ZER1: variants seen among roughly 807,000 people sequenced by gnomAD.
ZER1 encodes the protein zyg-11 related cell cycle regulator, also known as protein zer-1 homolog.
A neutral mutation model predicts 78.8 loss-of-function variants in ZER1; 11 were observed. The ratio of observed to expected loss-of-function variants is 0.14; its 90% confidence interval spans 0.09 to 0.23. The LOEUF is 0.23. ZER1 is among the 10% of genes least tolerant of loss of function. The probability of loss-of-function intolerance (pLI) is 1.00; values close to 1 mark genes in which losing one functional copy is unlikely to be tolerated. For synonymous variants in ZER1, 400 were observed against 407.0 expected (o/e 0.98, Z 0.21); for missense variants, 588 against 996.9 (o/e 0.59, Z 5.52).
At chr9:128,731,441 G>A (rs752435642) in intron 15 of ZER1, 47 bp from the exon 16 acceptor site, 4 of 704,916 alleles carry the variant, frequency 5.7e-6, no homozygotes, top group Middle Eastern at 2.6e-4. Context: ...CTTGGGTGGG[G>A]GTGAGCCCAG....
chr9:128,756,637 T>TTA (rs1564406286), intron 1 of ZER1, among the ~76,000 whole-genome samples: 2 of 151,668 alleles, frequency 1.3e-5, no homozygotes, highest in African/African-American at 4.8e-5. Flanking sequence ...GAAATCAGTT[T>TTA]AAAAAAAAAG....
chr9:128,741,517 G>A lies in ZER1; in HGVS notation c.1737+18C>T, dbSNP rs1480444478. The A allele has an allele frequency of 2.5e-6, 4 of 1,613,878 alleles. 1 individual carries two copies. The highest frequency in any genetic ancestry group is 3.3e-5 in the Admixed American group (2 of 60,004). Reference sequence around the variant, plus strand: ...GTGGGCAGCTGAGGCAGCTGCTGCTGCAGGAGGTGGACACTACCTTCAGGC... The same window carrying A: ...GTGGGCAGCTGAGGCAGCTGCTGCTACAGGAGGTGGACACTACCTTCAGGC... On this transcript the variant is annotated intron_variant, in intron 11 of 15. Coordinates refer to ENST00000291900, the MANE Select transcript of ZER1 (RefSeq NM_006336.4).
Position 128,733,419 on chromosome 9 carries a change from C to T in ZER1, c.2243+7G>A, listed in dbSNP as rs768775677. ...TTCCAGGCAGAAACACACTGCTGGT[C>T]TCTTACCGGGCCATTTCCTTGGTCT... On this transcript the variant is annotated splice_region_variant and intron_variant, in intron 15 of 15. Transcript: ENST00000291900. 11 of 1,613,344 alleles carry T rather than the reference C, an allele frequency of 6.8e-6. No individual in the cohort carries two copies. In the Admixed American group the frequency reaches 1.2e-4, roughly 17 times the overall value.
At chr9:128,749,101 G>A (rs1053725909) in intron 8 of ZER1, among the ~76,000 whole-genome samples, 1 of 150,526 alleles carries the variant, frequency 6.6e-6, no homozygotes, top group Non-Finnish European at 1.5e-5. Flanking sequence ...GCCGAGGCAG[G>A]TGGATCACCT....
chr9:128,771,989 C>G (rs557179305), upstream of ZER1: 1 of 152,288 alleles, frequency 6.6e-6, no homozygotes, highest in East Asian at 1.9e-4. Context: ...CGACCCGTCC[C>G]GCGGCTAACG....
chr9:128,735,760 G>GTTTTTTTTTTTTTTTTTTT lies in ZER1; in HGVS notation c.2043-330_2043-329insAAAAAAAAAAAAAAAAAAA. 2.3e-3 allele frequency among the ~76,000 whole-genome samples: 38 copies of GTTTTTTTTTTTTTTTTTTT among 16,194 alleles called. 19 individuals carry two copies. The highest frequency in any genetic ancestry group is 2.3e-3 in the African/African-American group (14 of 6,066). The allele number at this position is 16,194 out of a possible 152,430, so 10.6% of individuals were successfully genotyped here. The stretch of plus-strand genomic sequence containing the variant: ...CTGGGAACAGAAGCACGTGTGACCT[G>GTTTTTTTTTTTTTTTTTTT]GTTTTTTTTTTTTTTTTTTTTTTTT... On this transcript the variant is annotated intron_variant, in intron 13 of 15. Coordinates refer to ENST00000291900, the MANE Select transcript of ZER1 (RefSeq NM_006336.4).
chr9:128,741,281 GAAC>G (rs1863282555), intron 11 of ZER1, among the ~76,000 whole-genome samples: 1 of 152,244 alleles, frequency 6.6e-6, no homozygotes, highest in Admixed American at 6.5e-5. Flanking sequence ...GGCAGCCTGA[GAAC>G]AACGGCCGAG....
chr9:128,735,247 T>C (rs1863025449), intron 14 of ZER1, 87 bp downstream of exon 14: 1 of 1,221,522 alleles, frequency 8.2e-7, no homozygotes, highest in East Asian at 2.5e-5. Context: ...CAGCAATTAA[T>C]GCCCCCCTCC....
At chr9:128,758,846 G>A (rs1051754342) in intron 1 of ZER1, among the ~76,000 whole-genome samples, 4 of 152,140 alleles carry the variant, frequency 2.6e-5, no homozygotes, top group African/African-American at 9.7e-5. Flanking sequence ...GGAGAAGTGA[G>A]GACTGTGGTT....
chr9:128,772,107 C>A (rs1379692072), upstream of ZER1, among the ~76,000 whole-genome samples: 2 of 152,234 alleles, frequency 1.3e-5, no homozygotes, highest in Non-Finnish European at 2.9e-5. Context: ...CCAGGCCACC[C>A]GAGAGAACGC....
chr9:128,733,359 G>A, intron 15 of ZER1, 67 bp downstream of exon 15: 3 of 1,421,206 alleles, frequency 2.1e-6, no homozygotes, highest in Admixed American at 1.9e-5. Context: ...ACCTCCAGAG[G>A]GCGCCCGCTA....
chr9:128,735,526 A>G, intron 13 of ZER1, 95 bp from the exon 14 acceptor site: 1 of 1,213,234 alleles, frequency 8.2e-7, no homozygotes, highest in Non-Finnish European at 1.2e-6. Context: ...AATCCTAGTG[A>G]CCAACCATGA....
intron 13 of ZER1, among the ~76,000 whole-genome samples, chr9:128,735,710 C>T (rs969498466): frequency 1.3e-5 from 2 of 150,198 alleles, no homozygotes; most frequent in African/African-American, 4.9e-5. Flanking sequence ...GAGACCCAGC[C>T]TGTGGGGAAG....
At chr9:128,733,059 AT>A (rs754158040) in intron 15 of ZER1, 3 of 182,474 alleles carry the variant, frequency 1.6e-5, no homozygotes, top group Admixed American at 5.6e-5. Context: ...TCTAGAATGT[AT>A]TTTACCACAC....
chr9:128,759,256 C>T (rs1247688250), intron 1 of ZER1, among the ~76,000 whole-genome samples: 19 of 152,022 alleles, frequency 1.2e-4, no homozygotes, highest in African/African-American at 3.9e-4. Flanking sequence ...CTGCAACCTC[C>T]GCCTCTCAGG....
At chr9:128,768,849 T>C (rs1372414357) in intron 1 of ZER1, among the ~76,000 whole-genome samples, 2 of 152,182 alleles carry the variant, frequency 1.3e-5, no homozygotes, top group Non-Finnish European at 2.9e-5. Flanking sequence ...AGGCCCAGCA[T>C]ACACTGCCCC....
intron 13 of ZER1, 150 bp downstream of exon 13, chr9:128,739,781 G>C: frequency 1.1e-6 from 1 of 926,986 alleles, no homozygotes; most frequent in Non-Finnish European, 1.6e-6. Context: ...TCTGTGCTGT[G>C]TGCGGCTACG....
intron 1 of ZER1, among the ~76,000 whole-genome samples, chr9:128,759,374 A>C (rs1387316928): frequency 6.8e-6 from 1 of 146,342 alleles, no homozygotes; most frequent in African/African-American, 2.5e-5. Context: ...ATGGGGTTTC[A>C]TCATGTTGCT....
chr9:128,767,238 C>T (rs72758852), intron 1 of ZER1, among the ~76,000 whole-genome samples: 122 of 151,370 alleles, frequency 8.1e-4, no homozygotes, highest in Non-Finnish European at 1.6e-3. Context: ...CCACTGCGGT[C>T]GGCCTATTTA....
Sources: allele counts gnomAD v4.1 joint callset (sites outside exome capture counted in the v4.1 genomes callset), GRCh38; gene constraint gnomAD v4.1.1; transcripts MANE v1.5; gene names NCBI Gene and HGNC (gene_info 2026-07-23, HGNC 2026-07-21).